Variants in BEND4 observed in about 807,000 individuals in gnomAD.
The protein encoded by BEND4 is BEN domain containing 4.
BEND4 carries 27 observed loss-of-function variants against 54.7 expected under a neutral mutation model. The observed-to-expected ratio is 0.49, with a 90% CI of 0.36 to 0.68. BEND4 has a LOEUF of 0.68. Ranked by LOEUF, BEND4 falls within the 30% of genes least tolerant of loss-of-function variation. The pLI is 0.00. For missense variants in BEND4, 702 were observed against 697.2 expected (o/e 1.01, Z -0.08); for synonymous variants, 327 against 299.5 (o/e 1.09, Z -0.95).
At chr4:42,128,665 C>T (rs1466831095) in intron 3 of BEND4, among the ~76,000 whole-genome samples, 1 of 151,854 alleles carries the variant, frequency 6.6e-6, no homozygotes, top group Non-Finnish European at 1.5e-5. Context: ...TGGCCAGTGC[C>T]ATTAAGCAAG....
chr4:42,135,073 CAG>C (rs936635920), intron 3 of BEND4, among the ~76,000 whole-genome samples: 1 of 152,104 alleles, frequency 6.6e-6, no homozygotes, highest in African/African-American at 2.4e-5. Flanking sequence ...GGGGAGAGAC[CAG>C]AGTCTGGTAT....
chr4:42,138,435 G>A (rs922756086), intron 3 of BEND4, among the ~76,000 whole-genome samples: 4 of 152,136 alleles, frequency 2.6e-5, no homozygotes, highest in African/African-American at 9.7e-5. Context: ...GAGTGGGAGT[G>A]GAAACGGAGG....
At chr4:42,124,091 A>G (rs1720177092) in intron 4 of BEND4, among the ~76,000 whole-genome samples, 1 of 152,236 alleles carries the variant, frequency 6.6e-6, no homozygotes, top group Non-Finnish European at 1.5e-5. Flanking sequence ...GCACAGGCTC[A>G]TGCCTGTAAT....
intron 3 of BEND4, among the ~76,000 whole-genome samples, chr4:42,137,883 C>A (rs1720747164): frequency 6.6e-6 from 1 of 152,092 alleles, no homozygotes; most frequent in South Asian, 2.1e-4. Context: ...CAAATCAAAA[C>A]CACTATAAGA....
chr4:42,124,591 A>T (rs1326453640), intron 4 of BEND4, among the ~76,000 whole-genome samples: 2 of 152,158 alleles, frequency 1.3e-5, no homozygotes, highest in Non-Finnish European at 2.9e-5. Context: ...GGGTCACTGG[A>T]CCAGACAACT....
At chr4:42,126,201 C>T (rs1313669564) in intron 3 of BEND4, among the ~76,000 whole-genome samples, 1 of 152,190 alleles carries the variant, frequency 6.6e-6, no homozygotes, top group Admixed American at 6.5e-5. Context: ...TCACTGAGAA[C>T]TTTCAAGTCA....
intron 3 of BEND4, among the ~76,000 whole-genome samples, chr4:42,129,977 A>G (rs958028162): frequency 1.3e-5 from 2 of 152,248 alleles, no homozygotes; most frequent in Admixed American, 6.5e-5. Context: ...ACAGAATGGG[A>G]GAAAATTTCT....
intron 4 of BEND4, among the ~76,000 whole-genome samples, chr4:42,124,815 A>G (rs890975363): frequency 6.6e-6 from 1 of 152,204 alleles, no homozygotes; most frequent in East Asian, 1.9e-4. Flanking sequence ...CCCGGGCCCA[A>G]CTTTCAAGAA....
rs781680835 is a variant in BEND4 at position 42,111,301 on chromosome 4, G to T, written c.*6217C>A. 1 of 152,086 alleles carries T rather than the reference G, an allele frequency of 6.6e-6. No individual in the cohort carries two copies. The highest frequency in any genetic ancestry group is 2.4e-5 in the African/African-American group (1 of 41,402). The allele number at this position is 152,086 out of a possible 1,614,324, so 9.4% of individuals were successfully genotyped here. ...GAAATTATTCATAGAGAATCAACAA[G>T]ACTCCAACAATAAAAATATCAGGAT... On this transcript the variant is annotated 3_prime_UTR_variant, in exon 6 of 6. Coordinates refer to ENST00000502486, the MANE Select transcript of BEND4 (RefSeq NM_207406.4).
chr4:42,146,088 G>A (rs776331524), intron 2 of BEND4, among the ~76,000 whole-genome samples: 26 of 152,088 alleles, frequency 1.7e-4, no homozygotes, highest in African/African-American at 5.8e-4. Context: ...CAGCAGGACC[G>A]CCACCTGACC....
chr4:42,120,443 G>C, intron 4 of BEND4, 149 bp from the exon 5 acceptor site: 2 of 973,288 alleles, frequency 2.1e-6, no homozygotes, highest in Non-Finnish European at 1.5e-6. Flanking sequence ...TAATTGCTCA[G>C]ACTTAGAAGG....
At chr4:42,122,343 C>T (rs956813893) in intron 4 of BEND4, among the ~76,000 whole-genome samples, 1 of 152,072 alleles carries the variant, frequency 6.6e-6, no homozygotes, top group Non-Finnish European at 1.5e-5. Flanking sequence ...CAGCCGTCTC[C>T]CACCAGAAAA....
Position 42,143,527 on chromosome 4 carries a change from C to T in BEND4, c.955G>A (p.Glu319Lys), listed in dbSNP as rs552724030. ...TLPEEEEEED[E>K]EGYCPRCQEL... is the part of the protein sequence containing the mutation. Reference sequence around the variant, plus strand: ...TGGCATCGAGGACAATAGCCTTCCTCGTCCTCCTCCTCCTCCTCTTCTGGC... The same window carrying T: ...TGGCATCGAGGACAATAGCCTTCCTTGTCCTCCTCCTCCTCCTCTTCTGGC... The change falls in exon 3 of 6, where the codon GAG (glutamate) becomes AAG (lysine). Residue 319 changes from glutamate (E) to lysine (K), a missense_variant. Physicochemically the swap from Glu to Lys is moderately conservative, Grantham distance 56. Transcript: ENST00000502486. The T allele has an allele frequency of 9.0e-6, 14 of 1,554,192 alleles. No homozygotes were observed. Among genetic ancestry groups the T allele is most frequent in the Admixed American group, 3.9e-5 (2 of 51,088 alleles).
intron 3 of BEND4, among the ~76,000 whole-genome samples, chr4:42,134,438 G>GTAT (rs1720621968): frequency 6.6e-6 from 1 of 152,188 alleles, no homozygotes; most frequent in African/African-American, 2.4e-5. Context: ...TGAGCTTTAA[G>GTAT]TATTAGCCTA....
chr4:42,123,707 A>AAAACAAAAACAAAAC (rs1560576053), intron 4 of BEND4, among the ~76,000 whole-genome samples: 51 of 151,230 alleles, frequency 3.4e-4, no homozygotes, highest in Admixed American at 9.2e-4. Flanking sequence ...AAAAAAAAAA[A>AAAACAAAAACAAAAC]AAAAAAAAAA....
rs1476356583 is a variant in BEND4 at position 42,112,388 on chromosome 4, G to A, written c.*5130C>T. 6.6e-6 allele frequency: 1 copy of A among 152,184 alleles called. No individual in the cohort carries two copies. Among genetic ancestry groups the A allele is most frequent in the African/African-American group, 2.4e-5 (1 of 41,440 alleles). The allele number at this position is 152,184 out of a possible 1,614,324, so 9.4% of individuals were successfully genotyped here. On this transcript the variant is annotated 3_prime_UTR_variant, in exon 6 of 6. Transcript: ENST00000502486. ...ACTGTTGTTGCAGTTAAGTGGTTCT[G>A]AACGGGCCCAAATAGTTTTCCAATG...
At chr4:42,123,694 G>GAAAAAAAAACAAAAAA (rs1720147511) in intron 4 of BEND4, among the ~76,000 whole-genome samples, 1 of 50,804 alleles carries the variant, frequency 2.0e-5, no homozygotes, top group Non-Finnish European at 3.9e-5. Context: ...CTGTAATTCA[G>GAAAAAAAAACAAAAAA]AAAAAAAAAA....
intron 2 of BEND4, among the ~76,000 whole-genome samples, chr4:42,144,477 C>T (rs1024303709): frequency 2.6e-5 from 4 of 152,166 alleles, no homozygotes; most frequent in Non-Finnish European, 5.9e-5. Context: ...CTCCCAGATG[C>T]AAACTGGGGA....
At position 42,137,666 on chromosome 4, in the gene BEND4, A is replaced by G. The variant is rs536773404; in HGVS notation, c.1054+5762T>C. Among the ~76,000 whole-genome samples, 109 of 152,332 alleles carry G rather than the reference A, an allele frequency of 7.2e-4. 5 individuals carry two copies. In the South Asian group the frequency reaches 0.022, roughly 30 times the overall value. ...TCACACTAAAAAGTCTCTGCATAGCAATCAACAAAATGAAACAGCAATCTA... is the reference window on the plus strand; with the variant it reads ...TCACACTAAAAAGTCTCTGCATAGCGATCAACAAAATGAAACAGCAATCTA... On this transcript the variant is annotated intron_variant, in intron 3 of 5. Coordinates refer to ENST00000502486, the MANE Select transcript of BEND4 (RefSeq NM_207406.4).
Sources: allele counts gnomAD v4.1 joint callset (sites outside exome capture counted in the v4.1 genomes callset), GRCh38; gene constraint gnomAD v4.1.1; transcripts MANE v1.5; gene names NCBI Gene and HGNC (gene_info 2026-07-23, HGNC 2026-07-21).